Variants in ROBO1 observed in about 807,000 individuals in gnomAD.
The protein encoded by ROBO1 is roundabout homolog 1.
ROBO1 carries 149 observed loss-of-function variants against 195.9 expected under a neutral mutation model. The observed-to-expected ratio is 0.76, with a 90% CI of 0.67 to 0.87. The LOEUF (loss-of-function observed/expected upper bound fraction) is 0.87, where lower values mean the gene tolerates loss of function less well. Among genes scored for constraint, ROBO1 ranks in the 40% least tolerant of loss-of-function variants. The pLI is 0.00. For missense variants in ROBO1, 1,933 were observed against 2,068.3 expected (o/e 0.93, Z 1.27); for synonymous variants, 816 against 733.2 (o/e 1.11, Z -1.82).
At chr3:78,959,840 G>A (rs554900078) in intron 3 of ROBO1, among the ~76,000 whole-genome samples, 138 of 152,228 alleles carry the variant, frequency 9.1e-4, no homozygotes, top group African/African-American at 3.2e-3. Context: ...TTTCAGCAAT[G>A]ATAAATTCCT....
At chr3:78,757,683 C>T (rs1225605695) in intron 4 of ROBO1, among the ~76,000 whole-genome samples, 1 of 152,106 alleles carries the variant, frequency 6.6e-6, no homozygotes, top group African/African-American at 2.4e-5. Flanking sequence ...CAAACTCTTC[C>T]CACCAATGTA....
At chr3:79,748,080 T>C (rs769727385) in intron 1 of ROBO1, among the ~76,000 whole-genome samples, 1 of 152,140 alleles carries the variant, frequency 6.6e-6, no homozygotes, top group African/African-American at 2.4e-5. Context: ...TAGATTAAAG[T>C]ATATTGGTAC....
intron 2 of ROBO1, among the ~76,000 whole-genome samples, chr3:79,268,872 C>T (rs538247359): frequency 5.3e-5 from 8 of 151,594 alleles, no homozygotes. Flanking sequence ...ACGATTAATA[C>T]AATGGTTTGG....
At chr3:79,674,614 A>G (rs1400449653) in intron 1 of ROBO1, among the ~76,000 whole-genome samples, 3 of 152,070 alleles carry the variant, frequency 2.0e-5, no homozygotes, top group African/African-American at 7.2e-5. Context: ...TTTTGTAGTT[A>G]TGAAACCTAT....
At chr3:78,993,071 T>A (rs1024898779) in intron 3 of ROBO1, among the ~76,000 whole-genome samples, 4 of 152,156 alleles carry the variant, frequency 2.6e-5, no homozygotes, top group African/African-American at 4.8e-5. Context: ...AATCCCACCA[T>A]TTATAGAATC....
intron 3 of ROBO1, among the ~76,000 whole-genome samples, chr3:78,995,425 C>A (rs1221141690): frequency 1.3e-5 from 2 of 152,108 alleles, no homozygotes; most frequent in African/African-American, 2.4e-5. Context: ...ACCTCCCTGG[C>A]ACCATCTCAG....
chr3:79,741,550 TA>T (rs1703650339), intron 1 of ROBO1, among the ~76,000 whole-genome samples: 1 of 152,196 alleles, frequency 6.6e-6, no homozygotes, highest in South Asian at 2.1e-4. Flanking sequence ...CTGGTAATTG[TA>T]ATATTAGCAG....
At chr3:79,614,585 A>T (rs1944762024) in intron 1 of ROBO1, among the ~76,000 whole-genome samples, 1 of 152,146 alleles carries the variant, frequency 6.6e-6, no homozygotes, top group African/African-American at 2.4e-5. Flanking sequence ...CTGGAAATTA[A>T]AGTATTAAAA....
At chr3:79,627,887 GA>G (rs1163996305) in intron 1 of ROBO1, among the ~76,000 whole-genome samples, 3 of 151,978 alleles carry the variant, frequency 2.0e-5, no homozygotes, top group Admixed American at 6.6e-5. Context: ...ACAAACATAT[GA>G]AAAAAAGTTC....
At chr3:79,220,501 C>T (rs974596348) in intron 2 of ROBO1, among the ~76,000 whole-genome samples, 5 of 151,894 alleles carry the variant, frequency 3.3e-5, no homozygotes, top group African/African-American at 1.2e-4. Flanking sequence ...AATTATTTAT[C>T]GCCTGAATTT....
intron 2 of ROBO1, among the ~76,000 whole-genome samples, chr3:79,261,678 C>T (rs927045776): frequency 1.3e-5 from 2 of 151,710 alleles, no homozygotes; most frequent in Non-Finnish European, 2.9e-5. Context: ...GATCAGGCTG[C>T]CCTGATATTA....
intron 2 of ROBO1, among the ~76,000 whole-genome samples, chr3:79,408,165 C>T (rs920737428): frequency 6.6e-6 from 1 of 151,728 alleles, no homozygotes; most frequent in Non-Finnish European, 1.5e-5. Context: ...TTGTGGTGAG[C>T]TGAGATCATG....
intron 2 of ROBO1, among the ~76,000 whole-genome samples, chr3:79,529,896 T>A (rs1941579611): frequency 1.3e-5 from 2 of 152,212 alleles, no homozygotes; most frequent in Non-Finnish European, 2.9e-5. Context: ...AATATTTTGA[T>A]ATCTAACTTA....
At chr3:79,544,969 A>G (rs1226601546) in intron 2 of ROBO1, among the ~76,000 whole-genome samples, 2 of 152,182 alleles carry the variant, frequency 1.3e-5, no homozygotes, top group African/African-American at 4.8e-5. Context: ...AGATGAAATA[A>G]TACATGTTCA....
intron 2 of ROBO1, among the ~76,000 whole-genome samples, chr3:79,202,648 A>G (rs187519986): frequency 2.0e-5 from 3 of 151,900 alleles, no homozygotes. Flanking sequence ...AGAAGTTGTT[A>G]TACATCCAAG....
chr3:78,989,330 A>C (rs1230837506), intron 3 of ROBO1, among the ~76,000 whole-genome samples: 1 of 152,186 alleles, frequency 6.6e-6, no homozygotes, highest in Non-Finnish European at 1.5e-5. Context: ...AAAAAAATTT[A>C]AGGTCAGGCA....
chr3:78,847,767 G>C (rs763950125), intron 4 of ROBO1, among the ~76,000 whole-genome samples: 4 of 152,126 alleles, frequency 2.6e-5, no homozygotes, highest in African/African-American at 9.7e-5. Flanking sequence ...CACACAGCAA[G>C]TTAAGGTGGA....
At chr3:79,607,989 T>A (rs1944542462) in intron 1 of ROBO1, among the ~76,000 whole-genome samples, 1 of 152,036 alleles carries the variant, frequency 6.6e-6, no homozygotes, top group Admixed American at 6.6e-5. Flanking sequence ...ACGTTTATGC[T>A]GTATGTATGT....
Position 79,585,604 on chromosome 3 carries a change from G to C in ROBO1, c.88+4220C>G, listed in dbSNP as rs139804369. ...TATCTCCAAATAACTTTTTCCCTTT[G>C]TCATGGAAATCTGTCCTCAGAGAAT... On this transcript the variant is annotated intron_variant, in intron 2 of 30. Coordinates refer to ENST00000464233, the MANE Select transcript of ROBO1 (RefSeq NM_002941.4). Among the ~76,000 whole-genome samples, 27 of 151,982 alleles carry C rather than the reference G, an allele frequency of 1.8e-4. No individual in the cohort carries two copies. The East Asian group carries it at 5.1e-3, about 28-fold the overall frequency.
Sources: allele counts gnomAD v4.1 joint callset (sites outside exome capture counted in the v4.1 genomes callset), GRCh38; gene constraint gnomAD v4.1.1; transcripts MANE v1.5; gene names NCBI Gene and HGNC (gene_info 2026-07-23, HGNC 2026-07-21).